PGM5: variants seen among roughly 807,000 people sequenced by gnomAD.
The protein encoded by PGM5 is phosphoglucomutase-like protein 5.
PGM5 carries 23 observed loss-of-function variants against 59.2 expected under a neutral mutation model. The ratio of observed to expected loss-of-function variants is 0.39; its 90% confidence interval spans 0.28 to 0.55. The LOEUF is 0.55. Ranked by LOEUF, PGM5 falls within the 20% of genes least tolerant of loss-of-function variation. The pLI is 0.66. For missense variants in PGM5, 574 were observed against 748.3 expected (o/e 0.77, Z 2.72); for synonymous variants, 214 against 286.0 (o/e 0.75, Z 2.54).
rs1195115417 is a variant in PGM5, at chr9:68,499,217, T to C, written c.1480-10T>C. The C allele has an allele frequency of 6.2e-7, 1 of 1,614,078 alleles. No homozygotes were observed. The highest frequency in any genetic ancestry group is 8.5e-7 in the Non-Finnish European group (1 of 1,179,976). On this transcript the variant is annotated splice_polypyrimidine_tract_variant and intron_variant, in intron 9 of 10. Transcript: ENST00000396396. ...GCTCACTGCTCCATTCTGGATGTTCTTGGTCTCAGGGCCTAAGGATCATTT... is the reference window on the plus strand; with the variant it reads ...GCTCACTGCTCCATTCTGGATGTTCCTGGTCTCAGGGCCTAAGGATCATTT...
At chr9:68,409,864 T>A in intron 6 of PGM5, among the ~76,000 whole-genome samples, 1 of 114,640 alleles carries the variant, frequency 8.7e-6, no homozygotes. Flanking sequence ...ACCCTAAAAC[T>A]TAAAGTATAA....
intron 9 of PGM5, among the ~76,000 whole-genome samples, chr9:68,492,078 C>T (rs1824400323): frequency 6.6e-6 from 1 of 152,110 alleles, no homozygotes; most frequent in Non-Finnish European, 1.5e-5. Context: ...TATTGGAATA[C>T]TAATGTCTCT....
chr9:68,511,364 C>G (rs1587226985), intron 10 of PGM5, among the ~76,000 whole-genome samples: 1 of 152,192 alleles, frequency 6.6e-6, no homozygotes, highest in South Asian at 2.1e-4. Context: ...GAGGCATATG[C>G]TACGCCCTTT....
rs1343742116 is a variant in PGM5 at position 68,378,131 on chromosome 9, G to A, written c.262-68G>A. 1.1e-5 allele frequency: 14 copies of A among 1,233,172 alleles called. 1 individual carries two copies. Among genetic ancestry groups the A allele is most frequent in the Admixed American group, 3.0e-5 (1 of 33,094 alleles). The allele number at this position is 1,233,172 out of a possible 1,614,324, so 76.4% of individuals were successfully genotyped here. A position where few individuals can be genotyped will look rare whatever the true frequency, so the allele number is the denominator to read the frequency against. ...TTGGCTGTATGTTAACAGAGCCTGG[G>A]GCACTTTCCTGTTGAAATGGCTTTA... is the stretch of plus-strand genomic sequence containing the variant. On this transcript the variant is annotated intron_variant, in intron 1 of 10. Transcript: ENST00000396396.
intron 6 of PGM5, among the ~76,000 whole-genome samples, chr9:68,408,102 TC>T (rs1438620523): frequency 1.3e-5 from 2 of 152,182 alleles, no homozygotes; most frequent in Non-Finnish European, 2.9e-5. Flanking sequence ...GGTGGACATT[TC>T]CCCCCAGATG....
intron 6 of PGM5, among the ~76,000 whole-genome samples, chr9:68,444,651 G>C (rs1399153058): frequency 6.6e-6 from 1 of 152,198 alleles, no homozygotes; most frequent in Non-Finnish European, 1.5e-5. Context: ...GGCCAGGCAA[G>C]AGGAGATCAC....
chr9:68,456,081 C>T (rs186065933), intron 6 of PGM5, among the ~76,000 whole-genome samples: 4 of 151,470 alleles, frequency 2.6e-5, no homozygotes, highest in Admixed American at 2.0e-4. Flanking sequence ...ATCCTTGAAC[C>T]TCATCTTCTT....
chr9:68,423,378 C>T (rs767622242), intron 6 of PGM5, among the ~76,000 whole-genome samples: 1 of 152,146 alleles, frequency 6.6e-6, no homozygotes, highest in African/African-American at 2.4e-5. Flanking sequence ...GCATCCACAC[C>T]AACATCTACT....
intron 10 of PGM5, among the ~76,000 whole-genome samples, chr9:68,521,558 AC>A (rs1564028554): frequency 6.6e-6 from 1 of 152,174 alleles, no homozygotes; most frequent in Non-Finnish European, 1.5e-5. Context: ...TTTCCCTTTG[AC>A]CTAGCAAGTG....
chr9:68,372,087 G>A (rs1554677205), intron 1 of PGM5, among the ~76,000 whole-genome samples: 1 of 152,106 alleles, frequency 6.6e-6, no homozygotes, highest in Non-Finnish European at 1.5e-5. Flanking sequence ...TAGCAGCCTT[G>A]TGAAGCTAAT....
At position 68,479,516 on chromosome 9, in the gene PGM5, G is replaced by A; in HGVS notation, c.1258G>A (p.Asp420Asn). ...GCAGAGTGTGGAGGAAATTGTCCGA[G>A]ATCACTGGGCCAAATTTGGCCGCCA... ...RKQSVEEIVR[D>N]HWAKFGRHYY... The change falls in exon 8 of 11, where the codon GAT (aspartate) becomes AAT (asparagine). Residue 420 changes from aspartate to asparagine, a missense_variant. Around this residue, in one of 7 missense-constraint regions of PGM5, gnomAD observed 300 missense variants for 280.0 expected, o/e 1.07. Coordinates refer to ENST00000396396, the MANE Select transcript of PGM5 (RefSeq NM_021965.4). 1 of 1,614,138 alleles carries A rather than the reference G, an allele frequency of 6.2e-7. No homozygotes were observed. The highest frequency in any genetic ancestry group is 8.5e-7 in the Non-Finnish European group (1 of 1,180,018).
chr9:68,377,786 T>C, intron 1 of PGM5, among the ~76,000 whole-genome samples: 1 of 152,258 alleles, frequency 6.6e-6, no homozygotes, highest in Non-Finnish European at 1.5e-5. Flanking sequence ...TTGTTCTAAG[T>C]TACAGGAAGC....
At chr9:68,487,925 C>A (rs1287739135) in intron 9 of PGM5, among the ~76,000 whole-genome samples, 5 of 151,862 alleles carry the variant, frequency 3.3e-5, no homozygotes, top group Non-Finnish European at 7.4e-5. Context: ...AGCTATTCAA[C>A]CCCCCTACAC....
At chr9:68,422,356 T>C (rs1434558690) in intron 6 of PGM5, among the ~76,000 whole-genome samples, 6 of 151,964 alleles carry the variant, frequency 3.9e-5, no homozygotes, top group Admixed American at 3.3e-4. Context: ...GAGATTACTG[T>C]TGGGGCTAAT....
chr9:68,377,788 A>G (rs564463609), intron 1 of PGM5, among the ~76,000 whole-genome samples: 286 of 152,372 alleles, frequency 1.9e-3, no homozygotes, highest in African/African-American at 6.5e-3. Context: ...GTTCTAAGTT[A>G]CAGGAAGCAG....
intron 6 of PGM5, chr9:68,405,542 G>C (rs1487939478): frequency 6.5e-6 from 1 of 153,084 alleles, no homozygotes; most frequent in Non-Finnish European, 1.5e-5. Flanking sequence ...TCTGACCTTT[G>C]CATGTGCTCA....
chr9:68,499,720 T>C (rs147560417), intron 10 of PGM5, among the ~76,000 whole-genome samples: 80 of 152,296 alleles, frequency 5.3e-4, no homozygotes, highest in African/African-American at 1.9e-3. Flanking sequence ...TGACTACGCT[T>C]ATGTAACTTT....
Position 68,530,155 on chromosome 9 carries a change from T to A in PGM5, c.*499T>A, listed in dbSNP as rs972048656. The A allele has an allele frequency of 1.3e-5, 2 of 152,716 alleles. No homozygotes were observed. The highest frequency in any genetic ancestry group is 4.8e-5 in the African/African-American group (2 of 41,386). 9.5% of individuals were successfully genotyped at this position (152,716 alleles called of 1,614,324 possible). The stretch of plus-strand genomic sequence containing the variant: ...ATGGGGGAAGGTTTTATTATAGAAC[T>A]CCCAACAGCCCACCTCACTCCTGCC... On this transcript the variant is annotated 3_prime_UTR_variant, in exon 11 of 11. Transcript: ENST00000396396.
chr9:68,443,835 A>G (rs1331895900), intron 6 of PGM5, among the ~76,000 whole-genome samples: 4 of 152,260 alleles, frequency 2.6e-5, no homozygotes, highest in African/African-American at 9.6e-5. Context: ...TTAAGACTTT[A>G]AAGTAATGGA....
Sources: allele counts gnomAD v4.1 joint callset (sites outside exome capture counted in the v4.1 genomes callset), GRCh38; gene constraint gnomAD v4.1.1; regional missense constraint gnomAD v4.1.1; transcripts MANE v1.5; gene names NCBI Gene and HGNC (gene_info 2026-07-23, HGNC 2026-07-21).